Variants in PSMG1 observed in about 807,000 individuals in gnomAD.
PSMG1 encodes Down syndrome critical region gene 2.
In PSMG1, 23 loss-of-function variants were observed where a neutral mutation model predicts 37.2. The observed-to-expected ratio is 0.62, with a 90% CI of 0.44 to 0.88. The LOEUF (loss-of-function observed/expected upper bound fraction) is 0.88, where lower values mean the gene tolerates loss of function less well. PSMG1 is among the 40% of genes least tolerant of loss of function. PSMG1 has a pLI of 0.00. For synonymous variants in PSMG1, 127 were observed against 128.0 expected (o/e 0.99, Z 0.05); for missense variants, 340 against 344.2 (o/e 0.99, Z 0.10).
At chr21:39,175,916 T>C (rs888601462) in intron 6 of PSMG1, among the ~76,000 whole-genome samples, 2 of 152,112 alleles carry the variant, frequency 1.3e-5, no homozygotes, top group African/African-American at 4.8e-5. Context: ...GTCTATGCTC[T>C]AACCCGCCCG....
intron 4 of PSMG1, 36 bp downstream of exon 4, chr21:39,179,888 A>G: frequency 6.3e-7 from 1 of 1,594,570 alleles, no homozygotes; most frequent in Non-Finnish European, 8.6e-7. Flanking sequence ...AAACTCCTGT[A>G]GACTAACCAT....
At chr21:39,180,693 C>T (rs1361693735) in intron 2 of PSMG1, among the ~76,000 whole-genome samples, 2 of 152,144 alleles carry the variant, frequency 1.3e-5, no homozygotes, top group Non-Finnish European at 2.9e-5. Flanking sequence ...CACATGCTCA[C>T]GGGGTAATAC....
Position 39,174,918 on chromosome 21 carries a change from T to G in PSMG1, c.*672A>C, listed in dbSNP as rs2030577594. ...GGTGAAGAGGCTATCTGTCAGATAT[T>G]ACTAAAAAGTGAGGACATACACATT... On this transcript the variant is annotated 3_prime_UTR_variant, in exon 7 of 7. Coordinates refer to ENST00000331573, the MANE Select transcript of PSMG1 (RefSeq NM_003720.4). The G allele has an allele frequency of 6.6e-6, 1 of 152,210 alleles. No individual in the cohort carries two copies. Among genetic ancestry groups the G allele is most frequent in the South Asian group, 2.1e-4 (1 of 4,830 alleles). 9.4% of individuals were successfully genotyped at this position (152,210 alleles called of 1,614,324 possible).
At chr21:39,182,128 C>T (rs1017669400) in intron 1 of PSMG1, among the ~76,000 whole-genome samples, 1 of 152,204 alleles carries the variant, frequency 6.6e-6, no homozygotes, top group Non-Finnish European at 1.5e-5. Context: ...ATCTTAGCAT[C>T]CCTAAAAGTG....
chr21:39,176,438 T>C (rs2146404342), intron 6 of PSMG1, among the ~76,000 whole-genome samples: 1 of 152,330 alleles, frequency 6.6e-6, no homozygotes, highest in South Asian at 2.1e-4. Flanking sequence ...TTAAGTGGGA[T>C]GAGGCAATTG....
rs2030590350 is a variant in PSMG1, at chr21:39,175,416, G to A, written c.*174C>T. The A allele has an allele frequency of 2.0e-6, 2 of 997,660 alleles. No homozygotes were observed. The highest frequency in any genetic ancestry group is 1.7e-5 in the African/African-American group (1 of 58,950). The allele number at this position is 997,660 out of a possible 1,614,324, so 61.8% of individuals were successfully genotyped here. A position where few individuals can be genotyped will look rare whatever the true frequency, so the allele number is the denominator to read the frequency against. On this transcript the variant is annotated 3_prime_UTR_variant, in exon 7 of 7. Coordinates refer to ENST00000331573, the MANE Select transcript of PSMG1 (RefSeq NM_003720.4). ...AAAGGAAAATGCTTGGCTTATTTTGGTTGTGAATAATACCACCATAAATAA... is the reference window on the plus strand; with the variant it reads ...AAAGGAAAATGCTTGGCTTATTTTGATTGTGAATAATACCACCATAAATAA...
At position 39,180,161 on chromosome 21, in the gene PSMG1, G is replaced by A. The variant is rs952359832; in HGVS notation, c.393+124C>T. 23 of 1,282,680 alleles carry A rather than the reference G, an allele frequency of 1.8e-5. No individual in the cohort carries two copies. The Admixed American group carries it at 5.5e-4, about 31-fold the overall frequency. 79.5% of individuals were successfully genotyped at this position (1,282,680 alleles called of 1,614,324 possible). On this transcript the variant is annotated intron_variant, in intron 3 of 6. Coordinates refer to ENST00000331573, the MANE Select transcript of PSMG1 (RefSeq NM_003720.4). ...ACAGTCAAACCACTACTGGTGATTAGTATCAGAAAAAGTGCACACTGACAG... is the reference window on the plus strand; with the variant it reads ...ACAGTCAAACCACTACTGGTGATTAATATCAGAAAAAGTGCACACTGACAG...
At chr21:39,180,018 G>GGGT (rs1555910454) in intron 3 of PSMG1, 32 bp from the exon 4 acceptor site, 1 of 1,607,350 alleles carries the variant, frequency 6.2e-7, no homozygotes, top group Non-Finnish European at 8.5e-7. Context: ...TTTTTGTCAA[G>GGGT]TAAGTTTTAT....
rs187341087 is a variant in PSMG1 at position 39,180,412 on chromosome 21, T to G, written c.266A>C (p.Asn89Thr). The G allele has an allele frequency of 5.0e-5, 80 of 1,600,298 alleles. No homozygotes were observed. In the Admixed American group the frequency reaches 7.6e-4, roughly 15 times the overall value. Residue 89 changes from asparagine to threonine, a missense_variant, in exon 3 of 7, where the codon AAT becomes ACT. Asn to Thr is a moderately conservative substitution (Grantham distance 65, BLOSUM62 0). Transcript: ENST00000331573. ...AVAFLSSFVM[N>T]SGVWEEVGCA... Reference sequence around the variant, plus strand: ...ACCAACTTCCTCCCAGACTCCTGAATTCATAACAAATGATGACAGAAATGC... The same window carrying G: ...ACCAACTTCCTCCCAGACTCCTGAAGTCATAACAAATGATGACAGAAATGC...
chr21:39,180,182 G>T, intron 3 of PSMG1, 103 bp downstream of exon 3: 1 of 1,384,278 alleles, frequency 7.2e-7, no homozygotes, highest in Non-Finnish European at 9.7e-7. Flanking sequence ...AGTGCACACT[G>T]ACAGAGCAAC....
Position 39,175,641 on chromosome 21 carries a change from T to C in PSMG1, c.816A>G (p.Ile272Met), listed in dbSNP as rs1484223212. 1 of 1,588,230 alleles carries C rather than the reference T, an allele frequency of 6.3e-7. No homozygotes were observed. ...CATTTGTTGTCATCAATTTCTTTAG[T>C]ATCTCAGTGCTTTGGGGAATATTCT... is the stretch of plus-strand genomic sequence containing the variant. ...LVKNIPQSTE[I>M]LKKLMTTNEI... The change falls in exon 7 of 7, where the codon ATA (isoleucine) becomes ATG (methionine). Residue 272 changes from isoleucine to methionine, a missense_variant. Ile to Met is a conservative substitution (Grantham distance 10). Transcript: ENST00000331573.
chr21:39,179,781 T>C (rs530095766), intron 4 of PSMG1, 143 bp downstream of exon 4: 1 of 760,510 alleles, frequency 1.3e-6, no homozygotes, highest in African/African-American at 1.8e-5. Context: ...GTTCTTTTAT[T>C]CTTTATATTC....
chr21:39,183,337 C>T lies in PSMG1; in HGVS notation c.49G>A (p.Gly17Arg). The change falls in exon 1 of 7, where the codon GGG (glycine) becomes AGG (arginine). Residue 17 changes from glycine to arginine, a missense_variant. Gly to Arg is a moderately radical substitution (Grantham distance 125). Transcript: ENST00000331573. Reference protein sequence around the residue: ...GEVVKAPCRAGTEDEEEEEEG... With the variant: ...GEVVKAPCRARTEDEEEEEEG... ...TCCTCCTCCTCTTCGTCCTCAGTCC[C>T]AGCTCGGCACGGCGCCTTCACCACC... 6.3e-7 allele frequency: 1 copy of T among 1,575,000 alleles called. No individual in the cohort carries two copies. The highest frequency in any genetic ancestry group is 8.6e-7 in the Non-Finnish European group (1 of 1,163,260).
Position 39,179,980 on chromosome 21 carries a change from G to C in PSMG1, c.400C>G (p.Leu134Val). 5.6e-6 allele frequency: 9 copies of C among 1,611,918 alleles called. No homozygotes were observed. The highest frequency in any genetic ancestry group is 6.8e-6 in the Non-Finnish European group (8 of 1,179,664). Residue 134 changes from leucine (L) to valine (V), a missense_variant, in exon 4 of 7, where the codon CTC (leucine) becomes GTC (valine). By Grantham distance (32) the Leu-to-Val change is conservative. Coordinates refer to ENST00000331573, the MANE Select transcript of PSMG1 (RefSeq NM_003720.4). ...GCAACATAGCAACTGCACTGACAGA[G>C]AAAAACCTGAAAAGTCAAGTTCCAC... Reference protein sequence around the residue: ...YHLKSNPSVFLCQCSCYVAED... With the variant: ...YHLKSNPSVFVCQCSCYVAED...
chr21:39,183,306 C>CCCTCCT lies in PSMG1; in HGVS notation c.74_79dup (p.Glu25_Glu26dup). 4 of 1,582,320 alleles carry CCCTCCT rather than the reference C, an allele frequency of 2.5e-6. No homozygotes were observed. The highest frequency in any genetic ancestry group is 2.6e-6 in the Non-Finnish European group (3 of 1,166,550). On this transcript the variant is annotated inframe_insertion, in exon 1 of 7. Transcript: ENST00000331573. ...CCTGTCCTCGGGCGTCTCCCTCCGC[C>CCCTCCT]CCTCCTCCTCCTCCTCTTCGTCCTC...
In PSMG1 at chr21:39,178,434, A is replaced by G. The variant is rs2030702158; in HGVS notation, c.655+15T>C. On this transcript the variant is annotated intron_variant, in intron 5 of 6. Coordinates refer to ENST00000331573, the MANE Select transcript of PSMG1 (RefSeq NM_003720.4). The stretch of plus-strand genomic sequence containing the variant: ...CAATAAGATAGAATGTAAATGTTAC[A>G]AATTTTAATACCACCTGCTGCAGGA... 6.3e-7 allele frequency: 1 copy of G among 1,599,038 alleles called. No individual in the cohort carries two copies. Among genetic ancestry groups the G allele is most frequent in the African/African-American group, 1.3e-5 (1 of 74,584 alleles).
rs75091728 is a variant in PSMG1 at position 39,182,433 on chromosome 21, T to A, written c.135-555A>T. Among the ~76,000 whole-genome samples the A allele has an allele frequency of 1.3e-3, 193 of 152,342 alleles. 1 individual carries two copies. The highest frequency in any genetic ancestry group is 4.1e-3 in the African/African-American group (169 of 41,568). On this transcript the variant is annotated intron_variant, in intron 1 of 6. Coordinates refer to ENST00000331573, the MANE Select transcript of PSMG1 (RefSeq NM_003720.4). ...CCTGTGGACCCTGTTAGGATTCTCA[T>A]TCACGCAGACCACTGTAAAATGTCA...
rs761901732 is a variant in PSMG1, at chr21:39,183,317, C to CTCCTCT, written c.63_68dup (p.Glu25_Glu26dup). On this transcript the variant is annotated inframe_insertion, in exon 1 of 7. Coordinates refer to ENST00000331573, the MANE Select transcript of PSMG1 (RefSeq NM_003720.4). Reference sequence around the variant, plus strand: ...GCGTCTCCCTCCGCCCCTCCTCCTCCTCCTCTTCGTCCTCAGTCCCAGCTC... The same window carrying CTCCTCT: ...GCGTCTCCCTCCGCCCCTCCTCCTCCTCCTCTTCCTCTTCGTCCTCAGTCCCAGCTC... The CTCCTCT allele has an allele frequency of 5.4e-5, 85 of 1,581,206 alleles. No homozygotes were observed. In the Admixed American group the frequency reaches 5.5e-4, roughly 10 times the overall value.
upstream of PSMG1, chr21:39,183,509 G>A: frequency 2.4e-6 from 3 of 1,242,466 alleles, no homozygotes; most frequent in Non-Finnish European, 3.2e-6. Flanking sequence ...CGCCCTCCGC[G>A]CACAGCCCAA....
Sources: allele counts gnomAD v4.1 joint callset (sites outside exome capture counted in the v4.1 genomes callset), GRCh38; gene constraint gnomAD v4.1.1; transcripts MANE v1.5; gene names NCBI Gene and HGNC (gene_info 2026-07-23, HGNC 2026-07-21).